The following CDK13 variants were observed in gnomAD, a reference collection of about 807,000 sequenced individuals.
CDK13 encodes the protein cyclin dependent kinase 13.
In CDK13, 40 loss-of-function variants were observed where a neutral mutation model predicts 137.6. The ratio of observed to expected loss-of-function variants is 0.29; its 90% confidence interval spans 0.23 to 0.38. The LOEUF (loss-of-function observed/expected upper bound fraction) is 0.38. Among genes scored for constraint, CDK13 ranks in the 10% least tolerant of loss-of-function variants. The probability of loss-of-function intolerance (pLI) is 1.00; values close to 1 mark genes in which losing one functional copy is unlikely to be tolerated. For synonymous variants in CDK13, 869 were observed against 760.1 expected (o/e 1.14, Z -2.36); for missense variants, 1,704 against 1,951.8 (o/e 0.87, Z 2.39).
chr7:39,953,342 C>T (rs777510280), intron 1 of CDK13, among the ~76,000 whole-genome samples: 2 of 152,126 alleles, frequency 1.3e-5, no homozygotes, highest in African/African-American at 2.4e-5. Context: ...TAATACTTTG[C>T]CAAAGGGTTT....
At chr7:39,957,168 C>T (rs980602972) in intron 1 of CDK13, among the ~76,000 whole-genome samples, 3 of 148,036 alleles carry the variant, frequency 2.0e-5, no homozygotes, top group Non-Finnish European at 4.5e-5. Flanking sequence ...GTTGCTCAGG[C>T]TGGTCTCCTG....
intron 9 of CDK13, among the ~76,000 whole-genome samples, chr7:40,063,975 A>G (rs567971845): frequency 2.1e-4 from 32 of 152,132 alleles, no homozygotes; most frequent in South Asian, 6.2e-4. Flanking sequence ...TATATTTTAA[A>G]ATAATTTTAA....
intron 5 of CDK13, among the ~76,000 whole-genome samples, chr7:40,037,852 T>C (rs565640051): frequency 6.6e-6 from 1 of 152,328 alleles, no homozygotes; most frequent in East Asian, 1.9e-4. Context: ...AGTTTAAGAT[T>C]TCTTAGTGAT....
chr7:39,955,041 AG>A (rs1787366915), intron 1 of CDK13, among the ~76,000 whole-genome samples: 1 of 152,050 alleles, frequency 6.6e-6, no homozygotes, highest in Admixed American at 6.5e-5. Context: ...TCTTTTCATC[AG>A]TTCCCTCTTA....
intron 1 of CDK13, chr7:39,985,268 T>C (rs1301620893): frequency 6.6e-6 from 1 of 152,272 alleles, no homozygotes; most frequent in Non-Finnish European, 1.5e-5. Context: ...TGATGACCTC[T>C]AGTTCCATCC....
At chr7:40,056,744 A>ATTACATCC (rs1391453207) in intron 7 of CDK13, among the ~76,000 whole-genome samples, 1 of 152,238 alleles carries the variant, frequency 6.6e-6, no homozygotes, top group African/African-American at 2.4e-5. Flanking sequence ...GGAAAGACAG[A>ATTACATCC]TTAATTATAT....
chr7:39,950,341 C>T lies in CDK13; in HGVS notation c.-301C>T. ...GGCACTTGGAGGACTCGGGACTCCC[C>T]CGCAGGTCAGCGCCCGGCGCATCTG... On this transcript the variant is annotated 5_prime_UTR_variant, in exon 1 of 14. Transcript: ENST00000181839. The T allele has an allele frequency of 8.6e-7, 1 of 1,164,868 alleles. No homozygotes were observed. The highest frequency in any genetic ancestry group is 4.3e-5 in the South Asian group (1 of 23,454). 72.2% of individuals were successfully genotyped at this position (1,164,868 alleles called of 1,614,324 possible).
rs945198701 is a variant in CDK13 at position 39,998,450 on chromosome 7, A to C, written c.2042+786A>C. On this transcript the variant is annotated intron_variant, in intron 3 of 13. Coordinates refer to ENST00000181839, the MANE Select transcript of CDK13 (RefSeq NM_003718.5). ...GGGAGACCCCATCTCTACCAAAAAA[A>C]AAAAAAAAAAAAAAAAAAAAAAGCC... 4.2e-5 allele frequency: 5 copies of C among 119,546 alleles called. No individual in the cohort carries two copies. In the East Asian group the frequency reaches 2.1e-3, roughly 51 times the overall value. 7.4% of individuals were successfully genotyped at this position (119,546 alleles called of 1,614,324 possible).
chr7:39,951,743 C>G lies in CDK13; in HGVS notation c.1102C>G (p.Pro368Ala). 2.0e-6 allele frequency: 3 copies of G among 1,494,086 alleles called. No individual in the cohort carries two copies. Among genetic ancestry groups the G allele is most frequent in the African/African-American group, 1.4e-5 (1 of 69,208 alleles). The allele number at this position is 1,494,086 out of a possible 1,614,324, so 92.6% of individuals were successfully genotyped here. ...SPSPYSRRRS[P>A]SYSRHSSYER... is the part of the protein sequence containing the mutation. ...GAGCCCCTACAGTCGCCGCCGCTCC[C>G]CCAGCTACAGCCGCCACAGCTCCTA... Residue 368 changes from proline to alanine, a missense_variant, in exon 1 of 14, where the codon CCC becomes GCC. Physicochemically the swap from Pro to Ala is conservative, Grantham distance 27 (BLOSUM62 -1). Around this residue, in one of 5 missense-constraint regions of CDK13, gnomAD observed 1,051 missense variants for 931.0 expected, o/e 1.13. Transcript: ENST00000181839.
chr7:39,955,825 C>T (rs183560461), intron 1 of CDK13, among the ~76,000 whole-genome samples: 60 of 151,860 alleles, frequency 4.0e-4, no homozygotes, highest in African/African-American at 1.4e-3. Context: ...TTATTTTGAT[C>T]TGAAGTTACT....
At chr7:40,006,712 G>A (rs545974479) in intron 5 of CDK13, among the ~76,000 whole-genome samples, 18 of 152,260 alleles carry the variant, frequency 1.2e-4, no homozygotes, top group African/African-American at 4.1e-4. Flanking sequence ...AACCCGGGAG[G>A]CAGAGGTTGC....
rs1787077011 is a variant in CDK13 at position 40,097,798 on chromosome 7, T to A, written c.*2818T>A. Reference sequence around the variant, plus strand: ...GAGTTGCAAGTCATTTGTGAAACCTTAAAATGCCAATTTTAAGGAGTTGTC... The same window carrying A: ...GAGTTGCAAGTCATTTGTGAAACCTAAAAATGCCAATTTTAAGGAGTTGTC... On this transcript the variant is annotated 3_prime_UTR_variant, in exon 14 of 14. Transcript: ENST00000181839. 6.6e-6 allele frequency: 1 copy of A among 152,130 alleles called. No homozygotes were observed. Among genetic ancestry groups the A allele is most frequent in the South Asian group, 2.1e-4 (1 of 4,826 alleles). 9.4% of individuals were successfully genotyped at this position (152,130 alleles called of 1,614,324 possible). A position where few individuals can be genotyped will look rare whatever the true frequency, so the allele number is the denominator to read the frequency against.
intron 5 of CDK13, among the ~76,000 whole-genome samples, chr7:40,034,494 CA>C (rs1438117045): frequency 1.3e-5 from 2 of 152,020 alleles, no homozygotes; most frequent in South Asian, 4.1e-4. Flanking sequence ...AAGATTATAA[CA>C]TATCTCTAGC....
chr7:40,010,044 T>G (rs535352659), intron 5 of CDK13, among the ~76,000 whole-genome samples: 32 of 152,178 alleles, frequency 2.1e-4, no homozygotes, highest in African/African-American at 6.5e-4. Context: ...CCACAGACTG[T>G]GGGGGAGGTG....
At chr7:40,020,566 T>G (rs1034720138) in intron 5 of CDK13, among the ~76,000 whole-genome samples, 1 of 152,228 alleles carries the variant, frequency 6.6e-6, no homozygotes, top group Non-Finnish European at 1.5e-5. Flanking sequence ...TGATTGCATT[T>G]GTCTTAGAAT....
intron 5 of CDK13, among the ~76,000 whole-genome samples, chr7:40,007,196 A>G (rs559121002): frequency 1.3e-5 from 2 of 152,310 alleles, no homozygotes; most frequent in South Asian, 4.1e-4. Context: ...TGTTTTTATA[A>G]TGAGGGAATT....
intron 5 of CDK13, among the ~76,000 whole-genome samples, chr7:40,022,990 T>G (rs1336338268): frequency 6.6e-6 from 1 of 152,100 alleles, no homozygotes; most frequent in Non-Finnish European, 1.5e-5. Context: ...CAGCCCTTAG[T>G]TTTACAGTCA....
intron 5 of CDK13, among the ~76,000 whole-genome samples, chr7:40,015,111 T>TA (rs1297677595): frequency 6.6e-6 from 1 of 152,226 alleles, no homozygotes; most frequent in Admixed American, 6.5e-5. Context: ...GCTCAAATCT[T>TA]AATTTGGAAT....
chr7:40,085,099 G>T (rs753101454), intron 11 of CDK13, among the ~76,000 whole-genome samples: 2 of 152,146 alleles, frequency 1.3e-5, no homozygotes, highest in Non-Finnish European at 2.9e-5. Flanking sequence ...GGTAGCTCAT[G>T]CCTGTAATCC....
Sources: gnomAD v4.1 joint callset for allele counts (sites outside exome capture counted in the v4.1 genomes callset) on GRCh38, gnomAD v4.1.1 for gene constraint, gnomAD v4.1.1 regional missense constraint, MANE v1.5 for transcripts, NCBI Gene and HGNC (gene_info 2026-07-23, HGNC 2026-07-21) for gene names.